The following DIAPH2 variants were observed in gnomAD, a reference collection of about 807,000 sequenced individuals.
DIAPH2 encodes the protein diaphanous related formin 2, also known as protein diaphanous homolog 2.
Under a neutral mutation model 92.7 loss-of-function variants are expected in DIAPH2, and 35 were observed. That is an observed-to-expected ratio of 0.38 (90% confidence interval 0.29 to 0.50). The LOEUF (loss-of-function observed/expected upper bound fraction) is 0.50. Ranked by LOEUF, DIAPH2 falls within the 20% of genes least tolerant of loss-of-function variation. The pLI is 0.94. For missense variants in DIAPH2, 701 were observed against 819.5 expected, an observed-to-expected ratio of 0.86 and a Z score of 1.77; for synonymous variants, 301 against 280.4, an observed-to-expected ratio of 1.07 and a Z score of -0.73.
At chrX:96,925,755 C>A (rs1401581762) in intron 9 of DIAPH2, among the ~76,000 whole-genome samples, 2 of 111,750 alleles carry the variant, frequency 1.8e-5, no homozygotes, top group Non-Finnish European at 3.8e-5. Flanking sequence ...CTGGCTGTTG[C>A]TTTCTCTTTC....
chrX:97,370,488 G>A lies in DIAPH2; in HGVS notation c.3010-13421G>A, dbSNP rs143375917. Among the ~76,000 whole-genome samples the A allele has an allele frequency of 5.7e-3, 636 of 112,115 alleles. 2 individuals are homozygous for A. Among genetic ancestry groups the A allele is most frequent in the African/African-American group, 0.02 (604 of 30,921 alleles). ...ACAGTACAGTACTAACCATGAATTAGCAGTATATGAGGTGTAACTGTTTTT... is the reference window on the plus strand; with the variant it reads ...ACAGTACAGTACTAACCATGAATTAACAGTATATGAGGTGTAACTGTTTTT... On this transcript the variant is annotated intron_variant, in intron 24 of 26. Coordinates refer to ENST00000324765, the MANE Select transcript of DIAPH2 (RefSeq NM_006729.5).
chrX:97,334,640 T>C (rs1163035089), intron 23 of DIAPH2, among the ~76,000 whole-genome samples: 2 of 106,617 alleles, frequency 1.9e-5, no homozygotes, highest in Non-Finnish European at 3.9e-5. Context: ...GGCCTTTCTA[T>C]GTGAAATTTA....
intron 14 of DIAPH2, among the ~76,000 whole-genome samples, chrX:96,948,024 A>G (rs372077551): frequency 3.6e-5 from 4 of 111,633 alleles, no homozygotes; most frequent in African/African-American, 1.3e-4. Flanking sequence ...CTCTCATAAC[A>G]TGCTATACAA....
chrX:96,773,096 A>T (rs2064349677), intron 4 of DIAPH2, among the ~76,000 whole-genome samples: 1 of 111,248 alleles, frequency 9.0e-6, no homozygotes, highest in Non-Finnish European at 1.9e-5. Context: ...AATGAGCTTA[A>T]ATAGGTTGCC....
Position 96,930,861 on chromosome X carries a change from A to G in DIAPH2, c.1089+18A>G. ...TGTTACCAGTAAGTTGAATGTATAC[A>G]TTTATTATGCTGATGAATTTTAAAA... On this transcript the variant is annotated intron_variant, in intron 10 of 26. Coordinates refer to ENST00000324765, the MANE Select transcript of DIAPH2 (RefSeq NM_006729.5). 8.6e-7 allele frequency: 1 copy of G among 1,159,996 alleles called. No homozygotes were observed. Among genetic ancestry groups the G allele is most frequent in the Non-Finnish European group, 1.1e-6 (1 of 872,484 alleles).
In DIAPH2 at chrX:96,876,920, T is replaced by A. The variant is rs1371943574; in HGVS notation, c.448-4659T>A. Among the ~76,000 whole-genome samples the A allele has an allele frequency of 6.3e-5, 7 of 111,363 alleles. No individual in the cohort carries two copies. The East Asian group carries it at 8.4e-4, about 13-fold the overall frequency. ...AACTTAAAGTATAATAATAAAAAAA[T>A]TTTTCAATGCAAATTGCATATTAAA... On this transcript the variant is annotated intron_variant, in intron 4 of 26. Coordinates refer to ENST00000324765, the MANE Select transcript of DIAPH2 (RefSeq NM_006729.5).
intron 25 of DIAPH2, among the ~76,000 whole-genome samples, chrX:97,390,361 A>T (rs1184223635): frequency 3.7e-5 from 4 of 107,275 alleles, no homozygotes; most frequent in African/African-American, 1.4e-4. Context: ...CTGGGAATAT[A>T]GGCACACACC....
chrX:97,558,919 T>C (rs2071274714), intron 26 of DIAPH2, among the ~76,000 whole-genome samples: 1 of 111,742 alleles, frequency 8.9e-6, no homozygotes, highest in Admixed American at 9.5e-5. Flanking sequence ...TTTTCAACTT[T>C]ACAATGGTGT....
At chrX:97,249,204 T>C (rs2068166814) in intron 23 of DIAPH2, among the ~76,000 whole-genome samples, 1 of 111,843 alleles carries the variant, frequency 8.9e-6, no homozygotes, top group Non-Finnish European at 1.9e-5. Context: ...TTTCTTCTAC[T>C]GTTGGCTTAT....
chrX:97,560,277 G>T (rs2071285024), intron 26 of DIAPH2, among the ~76,000 whole-genome samples: 1 of 111,322 alleles, frequency 9.0e-6, no homozygotes, highest in African/African-American at 3.3e-5. Context: ...ACTTTTTTTG[G>T]CCACAAGCTT....
At chrX:96,736,118 TGGA>T (rs2064086052) in intron 2 of DIAPH2, among the ~76,000 whole-genome samples, 1 of 111,509 alleles carries the variant, frequency 9.0e-6, no homozygotes. Context: ...ACATTAATAT[TGGA>T]GGAAATTAAT....
At chrX:97,396,704 A>T (rs1602561098) in intron 25 of DIAPH2, among the ~76,000 whole-genome samples, 3 of 112,237 alleles carry the variant, frequency 2.7e-5, no homozygotes, top group African/African-American at 6.5e-5. Context: ...AAAACCTTTC[A>T]GTGATTGTTA....
intron 12 of DIAPH2, among the ~76,000 whole-genome samples, 200 bp downstream of exon 12, chrX:96,939,582 A>G (rs143745322): frequency 0.076 from 4,527 of 59,254 alleles, 213 homozygotes; most frequent in Non-Finnish European, 0.13. Context: ...GTGTGTGTGT[A>G]TATGTGTGTG....
intron 17 of DIAPH2, among the ~76,000 whole-genome samples, chrX:96,979,522 A>G (rs1480177016): frequency 8.9e-6 from 1 of 112,391 alleles, no homozygotes; most frequent in Non-Finnish European, 1.9e-5. Context: ...TAATTTAACC[A>G]ATTCTTCATT....
chrX:96,778,469 C>G (rs1290660868), intron 4 of DIAPH2, among the ~76,000 whole-genome samples: 4 of 110,130 alleles, frequency 3.6e-5, no homozygotes, highest in African/African-American at 1.3e-4. Flanking sequence ...CACTTTACTC[C>G]TAAATACTTA....
At chrX:97,300,911 C>T (rs1257649922) in intron 23 of DIAPH2, among the ~76,000 whole-genome samples, 2 of 70,994 alleles carry the variant, frequency 2.8e-5, no homozygotes, top group African/African-American at 5.5e-5. Flanking sequence ...CAGCCTGGGC[C>T]ACAGAGCAAG....
chrX:97,234,835 T>C (rs142669895), intron 22 of DIAPH2, among the ~76,000 whole-genome samples: 1,889 of 111,983 alleles, frequency 0.017, 45 homozygotes, highest in African/African-American at 0.058. Flanking sequence ...CAATCCCTTA[T>C]CTAGTCTAGC....
chrX:97,000,442 CTTAA>C (rs1197926073), intron 17 of DIAPH2, among the ~76,000 whole-genome samples: 1 of 111,768 alleles, frequency 8.9e-6, no homozygotes, highest in Admixed American at 9.5e-5. Flanking sequence ...TCTCTTGATT[CTTAA>C]TTTAGTGATT....
chrX:96,878,780 T>C (rs897233849), intron 4 of DIAPH2, among the ~76,000 whole-genome samples: 5 of 111,899 alleles, frequency 4.5e-5, no homozygotes, highest in African/African-American at 1.6e-4. Context: ...TAGATTATTC[T>C]GTGTCCATGA....
Sources: gnomAD v4.1 joint callset for allele counts (sites outside exome capture counted in the v4.1 genomes callset) on GRCh38, gnomAD v4.1.1 for gene constraint, MANE v1.5 for transcripts, NCBI Gene and HGNC (gene_info 2026-07-23, HGNC 2026-07-21) for gene names.